The following NOL4L variants were observed in gnomAD, a reference collection of about 807,000 sequenced individuals.
The protein encoded by NOL4L is nucleolar protein 4-like.
In NOL4L, 7 loss-of-function variants were observed where a neutral mutation model predicts 64.5. The observed-to-expected ratio is 0.11, with a 90% CI of 0.06 to 0.20. NOL4L has a LOEUF of 0.20. Ranked by LOEUF, NOL4L falls within the 10% of genes least tolerant of loss-of-function variation. The probability of loss-of-function intolerance (pLI) is 1.00; values close to 1 mark genes in which losing one functional copy is unlikely to be tolerated. For synonymous variants in NOL4L, 413 were observed against 401.0 expected, an observed-to-expected ratio of 1.03 and a Z score of -0.36; for missense variants, 680 against 967.1, an observed-to-expected ratio of 0.70 and a Z score of 3.94.
chr20:32,570,358 AGCT>A (rs1295860366), intron 1 of NOL4L, among the ~76,000 whole-genome samples: 1 of 152,220 alleles, frequency 6.6e-6, no homozygotes, highest in Non-Finnish European at 1.5e-5. Flanking sequence ...TGTCCACAGC[AGCT>A]CAGAGAATGG....
intron 1 of NOL4L, among the ~76,000 whole-genome samples, chr20:32,580,301 AC>A (rs1159567646): frequency 6.6e-6 from 1 of 152,070 alleles, no homozygotes; most frequent in Non-Finnish European, 1.5e-5. Context: ...ACAGTAGGTG[AC>A]CCCCGAAACA....
intron 5 of NOL4L, among the ~76,000 whole-genome samples, chr20:32,459,284 A>G (rs1424281626): frequency 6.7e-6 from 1 of 149,410 alleles, no homozygotes; most frequent in Non-Finnish European, 1.5e-5. Flanking sequence ...TCTGTTGCCC[A>G]GGCTAGAGTA....
At chr20:32,458,549 G>T (rs1427212978) in intron 5 of NOL4L, among the ~76,000 whole-genome samples, 1 of 152,214 alleles carries the variant, frequency 6.6e-6, no homozygotes, top group Non-Finnish European at 1.5e-5. Flanking sequence ...CTCCACGGGG[G>T]ACAGGGATGA....
intron 5 of NOL4L, among the ~76,000 whole-genome samples, chr20:32,474,313 G>A (rs1374319276): frequency 1.3e-5 from 2 of 152,232 alleles, no homozygotes; most frequent in African/African-American, 4.8e-5. Context: ...AACCCACATT[G>A]CAGAAGCCCA....
At chr20:32,522,820 G>A (rs1230259569) in intron 2 of NOL4L, among the ~76,000 whole-genome samples, 1 of 152,236 alleles carries the variant, frequency 6.6e-6, no homozygotes, top group Non-Finnish European at 1.5e-5. Context: ...CCTAGGTCAG[G>A]CCTCAGGAGA....
chr20:32,528,033 G>T, intron 1 of NOL4L, 120 bp from the exon 2 acceptor site: 1 of 695,730 alleles, frequency 1.4e-6, no homozygotes. Flanking sequence ...TCTTGGGGTG[G>T]GGAGGGGAGG....
chr20:32,498,391 T>C (rs1036147915), intron 4 of NOL4L, among the ~76,000 whole-genome samples: 1 of 150,942 alleles, frequency 6.6e-6, no homozygotes, highest in African/African-American at 2.4e-5. Context: ...TGTTTGACAA[T>C]GAGCTTTTCA....
intron 3 of NOL4L, among the ~76,000 whole-genome samples, chr20:32,516,746 CA>C (rs1266042269): frequency 1.3e-5 from 2 of 152,016 alleles, no homozygotes; most frequent in Non-Finnish European, 2.9e-5. Context: ...GCCAGGCTGG[CA>C]AGGAGGGATG....
At chr20:32,583,206 C>T (rs1313354548) in intron 1 of NOL4L, among the ~76,000 whole-genome samples, 4 of 151,574 alleles carry the variant, frequency 2.6e-5, no homozygotes. Context: ...GCGGCTCCCA[C>T]TCCCCGCGGC....
intron 5 of NOL4L, among the ~76,000 whole-genome samples, chr20:32,473,885 C>A (rs1389976539): frequency 6.6e-6 from 1 of 152,210 alleles, no homozygotes; most frequent in Admixed American, 6.5e-5. Context: ...GCTCACAGGG[C>A]CACCTCACAA....
At chr20:32,582,690 G>C (rs551357880) in intron 1 of NOL4L, among the ~76,000 whole-genome samples, 2 of 152,146 alleles carry the variant, frequency 1.3e-5, no homozygotes, top group East Asian at 3.9e-4. Flanking sequence ...TAACCAGGAT[G>C]GGGGGGTGGG....
At chr20:32,549,753 AAAAT>A (rs957332377) in intron 1 of NOL4L, among the ~76,000 whole-genome samples, 12 of 152,308 alleles carry the variant, frequency 7.9e-5, no homozygotes, top group Admixed American at 2.6e-4. Context: ...CTCAGTCTCA[AAAAT>A]AAATAAATAA....
At chr20:32,528,503 G>A (rs1321017720) in intron 1 of NOL4L, among the ~76,000 whole-genome samples, 1 of 152,218 alleles carries the variant, frequency 6.6e-6, no homozygotes, top group Non-Finnish European at 1.5e-5. Flanking sequence ...TAACAGGCAC[G>A]AGGCCACGAG....
chr20:32,541,008 T>TACAC (rs10675320), intron 1 of NOL4L, among the ~76,000 whole-genome samples: 16,280 of 133,362 alleles, frequency 0.12, 1,153 homozygotes, highest in Middle Eastern at 0.15. Flanking sequence ...CGCCACCCCC[T>TACAC]ACACACACAC....
intron 5 of NOL4L, among the ~76,000 whole-genome samples, chr20:32,472,559 C>T (rs964235851): frequency 2.0e-5 from 3 of 152,204 alleles, no homozygotes; most frequent in Admixed American, 2.0e-4. Flanking sequence ...ATTTCTGCAC[C>T]GTGAGCACCT....
chr20:32,584,608 T>A lies in NOL4L; in HGVS notation c.283A>T (p.Met95Leu). The A allele has an allele frequency of 1.3e-6, 2 of 1,487,484 alleles. No individual in the cohort carries two copies. Among genetic ancestry groups the A allele is most frequent in the Non-Finnish European group, 1.8e-6 (2 of 1,109,368 alleles). The allele number at this position is 1,487,484 out of a possible 1,614,324, so 92.1% of individuals were successfully genotyped here. Residue 95 changes from methionine to leucine, a missense_variant, in exon 1 of 11, where the codon ATG (methionine) becomes TTG (leucine). Coordinates refer to ENST00000621426, the MANE Select transcript of NOL4L (RefSeq NM_001256798.2). ...ACCGGCACATACACCACTTGGCCCA[T>A]CTTGGGTTCCCGGCCGCTGCCCAGG... ...FRLGSGREPK[M>L]GQVVYVPVKT... is the part of the protein sequence containing the mutation.
chr20:32,510,202 C>G (rs939976908), intron 4 of NOL4L: 10 of 356,258 alleles, frequency 2.8e-5, no homozygotes, highest in African/African-American at 2.1e-4. Context: ...GATGAGAAGA[C>G]GTGGGAGACA....
At chr20:32,577,045 T>G (rs1980162685) in intron 1 of NOL4L, among the ~76,000 whole-genome samples, 2 of 152,214 alleles carry the variant, frequency 1.3e-5, no homozygotes, top group Non-Finnish European at 1.5e-5. Context: ...GTGTGTTCAC[T>G]GTGGGCCTTG....
intron 4 of NOL4L, chr20:32,474,980 C>T (rs2015291284): frequency 5.1e-6 from 5 of 985,370 alleles, no homozygotes; most frequent in Non-Finnish European, 6.0e-6. Flanking sequence ...TAATTGAAGA[C>T]AATTATGAGG....
Sources: gnomAD v4.1 joint callset for allele counts (sites outside exome capture counted in the v4.1 genomes callset) on GRCh38, gnomAD v4.1.1 for gene constraint, MANE v1.5 for transcripts, NCBI Gene and HGNC (gene_info 2026-07-23, HGNC 2026-07-21) for gene names.